INSR: variants seen among roughly 807,000 people sequenced by gnomAD.
INSR encodes insulin receptor, also known as IR.
INSR carries 67 observed loss-of-function variants against 142.6 expected under a neutral mutation model. That is an observed-to-expected ratio of 0.47 (90% CI 0.39 to 0.58). The LOEUF (loss-of-function observed/expected upper bound fraction) is 0.58, where lower values mean the gene tolerates loss of function less well. INSR is among the 20% of genes least tolerant of loss of function. The pLI, the probability that INSR is intolerant of heterozygous loss-of-function variation, is 0.00. For synonymous variants in INSR, 756 were observed against 743.1 expected (o/e 1.02, Z -0.28); for missense variants, 1,248 against 1,833.2 (o/e 0.68, Z 5.83).
In INSR at chr19:7,117,528, G is replaced by A; in HGVS notation, c.3795-118C>T. ...CGGACCACATGTGCTCACATCAGAT[G>A]CTGGCTGTGTGTGTGGACAATTGTC... is the stretch of plus-strand genomic sequence containing the variant. On this transcript the variant is annotated intron_variant, in intron 21 of 21. Transcript: ENST00000302850. 2 of 694,020 alleles carry A rather than the reference G, an allele frequency of 2.9e-6. 1 individual carries two copies. Among genetic ancestry groups the A allele is most frequent in the South Asian group, 3.6e-5 (2 of 55,894 alleles). 43.0% of individuals were successfully genotyped at this position (694,020 alleles called of 1,614,324 possible).
chr19:7,163,581 GAAA>G (rs373717319), intron 8 of INSR, among the ~76,000 whole-genome samples: 3 of 144,634 alleles, frequency 2.1e-5, no homozygotes, highest in Admixed American at 7.0e-5. Flanking sequence ...AAACAAAAAA[GAAA>G]AAAAAAACCA....
At chr19:7,245,446 G>A (rs1480285043) in intron 2 of INSR, among the ~76,000 whole-genome samples, 1 of 151,970 alleles carries the variant, frequency 6.6e-6, no homozygotes, top group Non-Finnish European at 1.5e-5. Flanking sequence ...AGGCAACACA[G>A]TGAGCCCCCA....
chr19:7,160,415 G>A (rs539209627), intron 9 of INSR, among the ~76,000 whole-genome samples: 154 of 151,846 alleles, frequency 1.0e-3, no homozygotes, highest in African/African-American at 3.7e-3. Context: ...CCAAAGTGCT[G>A]GGATTACAGG....
intron 13 of INSR, among the ~76,000 whole-genome samples, chr19:7,136,968 G>C (rs576831384): frequency 6.6e-6 from 1 of 151,732 alleles, no homozygotes; most frequent in South Asian, 2.1e-4. Context: ...GAGTAGTTGG[G>C]ATTACAGGCG....
intron 3 of INSR, among the ~76,000 whole-genome samples, chr19:7,175,361 A>G (rs570113201): frequency 5.0e-4 from 76 of 152,200 alleles, no homozygotes; most frequent in African/African-American, 1.8e-3. Context: ...AAGTGATGGC[A>G]TAAGTCCATC....
At chr19:7,130,939 C>T (rs1453412792) in intron 14 of INSR, among the ~76,000 whole-genome samples, 4 of 135,700 alleles carry the variant, frequency 2.9e-5, no homozygotes, top group East Asian at 2.1e-4. Context: ...AGTGCAGTGG[C>T]GTGATGTCGG....
intron 2 of INSR, among the ~76,000 whole-genome samples, chr19:7,250,756 T>C (rs900367374): frequency 2.0e-5 from 3 of 152,082 alleles, no homozygotes; most frequent in African/African-American, 7.2e-5. Flanking sequence ...GCATCAAGCA[T>C]GGTCGCCTTT....
chr19:7,283,532 CG>C (rs1383571604), intron 1 of INSR, among the ~76,000 whole-genome samples: 8 of 151,838 alleles, frequency 5.3e-5, no homozygotes, highest in African/African-American at 1.9e-4. Context: ...CTCTGCCTCC[CG>C]GGTTCCAGCA....
chr19:7,275,343 G>A (rs1036129651), intron 1 of INSR, among the ~76,000 whole-genome samples: 6 of 152,116 alleles, frequency 3.9e-5, no homozygotes, highest in Non-Finnish European at 5.9e-5. Flanking sequence ...GACGAGTCCC[G>A]CCTACTACCT....
Position 7,162,778 on chromosome 19 carries a change from T to C in INSR, c.2029+254A>G, listed in dbSNP as rs1808531. On this transcript the variant is annotated intron_variant, in intron 9 of 21. Transcript: ENST00000302850. ...GAGGTTGCGATGAGCCAAGGTCGCG[T>C]CATTGCACTCCAGCCTGGGCAACAA... Among the ~76,000 whole-genome samples, 92,978 of 150,648 alleles carry C rather than the reference T, an allele frequency of 0.62. 29,786 individuals carry two copies. The highest frequency in any genetic ancestry group is 0.81 in the African/African-American group (33,346 of 41,282).
chr19:7,138,120 T>C (rs990482634), intron 13 of INSR, among the ~76,000 whole-genome samples: 9 of 150,452 alleles, frequency 6.0e-5, no homozygotes, highest in African/African-American at 2.2e-4. Context: ...CCCGCCACCA[T>C]GCCCGGCTAA....
intron 3 of INSR, among the ~76,000 whole-genome samples, chr19:7,175,610 A>G (rs543337633): frequency 3.2e-4 from 48 of 152,158 alleles, no homozygotes; most frequent in African/African-American, 1.2e-3. Flanking sequence ...CGAGGCGGGC[A>G]GATCACCTGA....
At chr19:7,292,522 C>G (rs1968525138) in intron 1 of INSR, among the ~76,000 whole-genome samples, 1 of 151,758 alleles carries the variant, frequency 6.6e-6, no homozygotes, top group Admixed American at 6.6e-5. Context: ...ACAGAGTCGA[C>G]TCAGCAAACC....
At chr19:7,196,236 C>G (rs4804092) in intron 2 of INSR, among the ~76,000 whole-genome samples, 73,392 of 152,050 alleles carry the variant, frequency 0.48, 17,723 homozygotes, top group East Asian at 0.53. Flanking sequence ...CGCCTGGCCT[C>G]AGAACTTTCT....
Position 7,119,907 on chromosome 19 carries a change from A to AAC in INSR, c.3660-326_3660-325dup, listed in dbSNP as rs556744836. 7.9e-6 allele frequency among the ~76,000 whole-genome samples: 1 copy of AAC among 127,170 alleles called. No homozygotes were observed. Among genetic ancestry groups the AAC allele is most frequent in the Non-Finnish European group, 1.8e-5 (1 of 55,766 alleles). 83.4% of individuals were successfully genotyped at this position (127,170 alleles called of 152,430 possible). A position where few individuals can be genotyped will look rare whatever the true frequency, so the allele number is the denominator to read the frequency against. ...ACATATGCACACACATACACACACA[A>AAC]ACACACACACAAACACATCTCTTGG... On this transcript the variant is annotated intron_variant, in intron 20 of 21. Coordinates refer to ENST00000302850, the MANE Select transcript of INSR (RefSeq NM_000208.4). The surrounding 1 kb of genome is among the most constrained non-coding windows in gnomAD (Gnocchi z 5.2).
intron 3 of INSR, among the ~76,000 whole-genome samples, chr19:7,181,559 CCT>C (rs1491527023): frequency 7.3e-6 from 1 of 136,872 alleles, no homozygotes; most frequent in Admixed American, 7.4e-5. Flanking sequence ...GATGGTGAGA[CCT>C]TTTTTTTTTT....
rs1972330035 is a variant in INSR at position 7,116,545 on chromosome 19, A to G, written c.*511T>C. On this transcript the variant is annotated 3_prime_UTR_variant, in exon 22 of 22. Coordinates refer to ENST00000302850, the MANE Select transcript of INSR (RefSeq NM_000208.4). ...AAAAATCCTTCAGCCTGGATGAGAG[A>G]AAAAAAAAAAACCAAAAAAACCATC... is the stretch of plus-strand genomic sequence containing the variant. 7.0e-6 allele frequency: 1 copy of G among 143,192 alleles called. No individual in the cohort carries two copies. The highest frequency in any genetic ancestry group is 2.2e-4 in the South Asian group (1 of 4,560). The allele number at this position is 143,192 out of a possible 1,614,324, so 8.9% of individuals were successfully genotyped here. A position where few individuals can be genotyped will look rare whatever the true frequency, so the allele number is the denominator to read the frequency against.
chr19:7,203,006 T>TTTTTG (rs60644775), intron 2 of INSR, among the ~76,000 whole-genome samples: 58,553 of 149,398 alleles, frequency 0.39, 11,821 homozygotes, highest in East Asian at 0.45. Flanking sequence ...GTTTTTTTTT[T>TTTTTG]TTTTTTTTCA....
intron 2 of INSR, among the ~76,000 whole-genome samples, chr19:7,266,558 TA>T (rs1967738686): frequency 6.6e-6 from 1 of 152,110 alleles, no homozygotes; most frequent in Non-Finnish European, 1.5e-5. Flanking sequence ...GCTAATTTTG[TA>T]TTTTTAGTAG....
Sources: gnomAD v4.1 joint callset for allele counts (sites outside exome capture counted in the v4.1 genomes callset) on GRCh38, gnomAD v4.1.1 for gene constraint, Gnocchi (gnomAD v3.1) non-coding constraint, MANE v1.5 for transcripts, NCBI Gene and HGNC (gene_info 2026-07-23, HGNC 2026-07-21) for gene names.